The following MTSS1 variants were observed in gnomAD, a reference collection of about 807,000 sequenced individuals.
MTSS1 encodes MTSS I-BAR domain containing 1.
A neutral mutation model predicts 79.0 loss-of-function variants in MTSS1; 18 were observed. The ratio of observed to expected loss-of-function variants is 0.23; its 90% CI spans 0.16 to 0.34. The LOEUF (loss-of-function observed/expected upper bound fraction) is 0.34, where lower values mean the gene tolerates loss of function less well. MTSS1 is among the 10% of genes least tolerant of loss of function. MTSS1 has a pLI of 1.00. For synonymous variants in MTSS1, 341 were observed against 368.6 expected, an observed-to-expected ratio of 0.93 and a Z score of 0.86; for missense variants, 815 against 986.2, an observed-to-expected ratio of 0.83 and a Z score of 2.33.
intron 5 of MTSS1, among the ~76,000 whole-genome samples, chr8:124,587,879 G>A (rs1165639725): frequency 6.6e-6 from 1 of 152,144 alleles, no homozygotes; most frequent in Non-Finnish European, 1.5e-5. Flanking sequence ...ACACAAATAA[G>A]CCATCACCCT....
intron 6 of MTSS1, among the ~76,000 whole-genome samples, chr8:124,584,819 C>T (rs1830578799): frequency 6.6e-6 from 1 of 152,202 alleles, no homozygotes; most frequent in Admixed American, 6.5e-5. Context: ...TTATAGGTAT[C>T]ATTACGAAGC....
At chr8:124,669,643 C>T (rs374985388) in intron 3 of MTSS1, among the ~76,000 whole-genome samples, 2 of 152,332 alleles carry the variant, frequency 1.3e-5, no homozygotes, top group East Asian at 3.9e-4. Context: ...TTTCTGGCTG[C>T]TTTCTACTAA....
intron 6 of MTSS1, chr8:124,579,622 G>A (rs576006065): frequency 9.9e-5 from 15 of 152,278 alleles, no homozygotes; most frequent in African/African-American, 2.6e-4. Context: ...ACAATGTTGA[G>A]AACTGGAAAG....
intron 13 of MTSS1, among the ~76,000 whole-genome samples, chr8:124,554,369 C>T (rs1165895259): frequency 1.3e-5 from 2 of 152,140 alleles, no homozygotes; most frequent in African/African-American, 4.8e-5. Flanking sequence ...GATGTTTAAG[C>T]AATATCCCTG....
chr8:124,591,063 A>C, intron 4 of MTSS1, 88 bp downstream of exon 4: 1 of 1,087,232 alleles, frequency 9.2e-7, no homozygotes, highest in South Asian at 1.3e-5. Context: ...GATTGTGGGG[A>C]TTTAAATGCT....
chr8:124,716,881 CAAAAGCCTTGAAA>C (rs1832082935), intron 1 of MTSS1, among the ~76,000 whole-genome samples: 1 of 151,152 alleles, frequency 6.6e-6, no homozygotes, highest in African/African-American at 2.4e-5. Flanking sequence ...TAATGGGTTT[CAAAAGCCTTGAAA>C]AAAACACACA....
intron 3 of MTSS1, among the ~76,000 whole-genome samples, chr8:124,665,592 G>C (rs1263905814): frequency 6.6e-6 from 1 of 151,870 alleles, no homozygotes; most frequent in Admixed American, 6.6e-5. Context: ...CCAAGGCCGG[G>C]CACAGTGGCT....
At chr8:124,636,480 T>C (rs1817021390) in intron 3 of MTSS1, among the ~76,000 whole-genome samples, 3 of 152,288 alleles carry the variant, frequency 2.0e-5, no homozygotes, top group South Asian at 4.1e-4. Context: ...AGACTCTAAA[T>C]ACTAGGAAAA....
intron 3 of MTSS1, among the ~76,000 whole-genome samples, chr8:124,689,269 G>A (rs1404035070): frequency 6.6e-6 from 1 of 152,068 alleles, no homozygotes; most frequent in Non-Finnish European, 1.5e-5. Context: ...GAGCACAGAG[G>A]AGGCATCTAT....
intron 3 of MTSS1, among the ~76,000 whole-genome samples, chr8:124,644,786 C>A (rs1818694179): frequency 6.6e-6 from 1 of 151,732 alleles, no homozygotes; most frequent in African/African-American, 2.4e-5. Context: ...GGAGATAATT[C>A]CAAATGGACA....
intron 3 of MTSS1, among the ~76,000 whole-genome samples, chr8:124,666,461 A>C (rs1398725786): frequency 6.6e-6 from 1 of 152,086 alleles, no homozygotes; most frequent in East Asian, 1.9e-4. Flanking sequence ...ACAGGAACAA[A>C]GACAAAGGAA....
intron 3 of MTSS1, among the ~76,000 whole-genome samples, chr8:124,602,178 CATATATATACAT>C (rs2133026329): frequency 9.9e-6 from 1 of 101,432 alleles, no homozygotes; most frequent in African/African-American, 4.6e-5. Flanking sequence ...AAATAAATCT[CATATATATACAT>C]ATATATATAT....
chr8:124,706,982 G>A (rs78333305), intron 1 of MTSS1, among the ~76,000 whole-genome samples: 1,946 of 152,190 alleles, frequency 0.013, 91 homozygotes, highest in East Asian at 0.12. Flanking sequence ...GACAGCAGTT[G>A]GCACCTCTAA....
At chr8:124,701,704 C>T (rs999864068) in intron 2 of MTSS1, among the ~76,000 whole-genome samples, 9 of 152,180 alleles carry the variant, frequency 5.9e-5, no homozygotes, top group Non-Finnish European at 7.3e-5. Context: ...GAAAATTAGG[C>T]GGGTGATCAA....
intron 7 of MTSS1, chr8:124,567,780 A>T: frequency 6.5e-7 from 1 of 1,528,858 alleles, no homozygotes; most frequent in Non-Finnish European, 8.7e-7. Flanking sequence ...GCTCAGGGGA[A>T]CAACTCAAAT....
intron 1 of MTSS1, among the ~76,000 whole-genome samples, chr8:124,719,264 C>T (rs1281618697): frequency 6.6e-6 from 1 of 152,186 alleles, no homozygotes; most frequent in Admixed American, 6.5e-5. Context: ...AAGACTACCT[C>T]GCTGGGTGGT....
Position 124,727,837 on chromosome 8 carries a change from G to T in MTSS1, c.72+47C>A. ...GGTGGAGGCGAAGCGCGGCGGCGAG[G>T]TCAGAGCGCGGCGGCCGGCGCCGCA... On this transcript the variant is annotated intron_variant, in intron 1 of 13. Coordinates refer to ENST00000518547, the MANE Select transcript of MTSS1 (RefSeq NM_014751.6). This position sits in a 1 kb window ranked among gnomAD's most constrained non-coding sequence, Gnocchi z 4.7. 2 of 1,517,024 alleles carry T rather than the reference G, an allele frequency of 1.3e-6. No homozygotes were observed. The highest frequency in any genetic ancestry group is 4.4e-5 in the Admixed American group (2 of 45,906). 94.0% of individuals were successfully genotyped at this position (1,517,024 alleles called of 1,614,324 possible).
chr8:124,588,962 A>G (rs28628873), intron 5 of MTSS1, among the ~76,000 whole-genome samples: 47,829 of 150,932 alleles, frequency 0.32, 9,190 homozygotes, highest in African/African-American at 0.55. Flanking sequence ...TGATCTGCCC[A>G]CCTGAGCCTC....
At chr8:124,675,180 G>A (rs982994215) in intron 3 of MTSS1, among the ~76,000 whole-genome samples, 1 of 152,196 alleles carries the variant, frequency 6.6e-6, no homozygotes, top group Non-Finnish European at 1.5e-5. Context: ...GAGGAACACT[G>A]ATCTTTCACT....
Sources: gnomAD v4.1 joint callset for allele counts (sites outside exome capture counted in the v4.1 genomes callset) on GRCh38, gnomAD v4.1.1 for gene constraint, Gnocchi (gnomAD v3.1) non-coding constraint, MANE v1.5 for transcripts, NCBI Gene and HGNC (gene_info 2026-07-23, HGNC 2026-07-21) for gene names.